The following QKI variants were observed in gnomAD, a reference collection of about 807,000 sequenced individuals.
The protein encoded by QKI is KH domain-containing RNA-binding protein QKI.
In QKI, 10 loss-of-function variants were observed where a neutral mutation model predicts 39.0. That is an observed-to-expected ratio of 0.26 (90% CI 0.16 to 0.43). The LOEUF (loss-of-function observed/expected upper bound fraction) is 0.43, where lower values mean the gene tolerates loss of function less well. QKI is among the 20% of genes least tolerant of loss of function. The probability of loss-of-function intolerance (pLI) is 1.00; values close to 1 mark genes in which losing one functional copy is unlikely to be tolerated. For missense variants in QKI, 218 were observed against 428.0 expected (o/e 0.51, Z 4.33); for synonymous variants, 204 against 155.4 (o/e 1.31, Z -2.33).
intron 6 of QKI, chr6:163,564,774 C>CT: frequency 6.2e-7 from 1 of 1,612,012 alleles, no homozygotes; most frequent in South Asian, 1.1e-5. Context: ...GTGGAACAAA[C>CT]TGTTTCTGTG....
At chr6:163,418,444 T>A (rs1203817563) in intron 1 of QKI, among the ~76,000 whole-genome samples, 1 of 152,162 alleles carries the variant, frequency 6.6e-6, no homozygotes, top group Non-Finnish European at 1.5e-5. Flanking sequence ...GTATCTTGAC[T>A]GTGGACAGTC....
rs1330547590 is a variant in QKI, at chr6:163,534,966, T to C, written c.403-16T>C. ...AAAGAGAATAATTTTAATCATGTAC[T>C]CTGTAAATTTTTTAGGAGGAGCAAA... On this transcript the variant is annotated splice_polypyrimidine_tract_variant and intron_variant, in intron 3 of 7. Transcript: ENST00000361752. 1 of 1,582,004 alleles carries C rather than the reference T, an allele frequency of 6.3e-7. No homozygotes were observed. The highest frequency in any genetic ancestry group is 8.6e-7 in the Non-Finnish European group (1 of 1,163,664).
chr6:163,572,443 A>G lies in QKI; in HGVS notation c.*1733A>G, dbSNP rs1206636185. ...TAGTGTATCCTTTTACTGTTTCAAT[A>G]ACCTCTGCCTCCCCCACCCCTTAAC... On this transcript the variant is annotated 3_prime_UTR_variant, in exon 8 of 8. Transcript: ENST00000361752. 1 of 152,176 alleles carries G rather than the reference A, an allele frequency of 6.6e-6. No individual in the cohort carries two copies. The highest frequency in any genetic ancestry group is 1.5e-5 in the Non-Finnish European group (1 of 68,044). The allele number at this position is 152,176 out of a possible 1,614,324, so 9.4% of individuals were successfully genotyped here.
intron 3 of QKI, among the ~76,000 whole-genome samples, chr6:163,492,576 C>G (rs575089778): frequency 3.9e-5 from 6 of 151,998 alleles, no homozygotes; most frequent in Non-Finnish European, 8.8e-5. Flanking sequence ...TCTGCAAAAA[C>G]TTAAGATTTT....
rs1783829534 is a variant in QKI at position 163,573,820 on chromosome 6, A to G, written c.*3110A>G. On this transcript the variant is annotated 3_prime_UTR_variant, in exon 8 of 8. Coordinates refer to ENST00000361752, the MANE Select transcript of QKI (RefSeq NM_006775.3). ...TACTAACTCTGGACTTTGTCTGTTTATTAACCTTTATATGTTTAATTAAAA... is the reference window on the plus strand; with the variant it reads ...TACTAACTCTGGACTTTGTCTGTTTGTTAACCTTTATATGTTTAATTAAAA... 1 of 152,230 alleles carries G rather than the reference A, an allele frequency of 6.6e-6. No individual in the cohort carries two copies. The highest frequency in any genetic ancestry group is 2.4e-5 in the African/African-American group (1 of 41,464). 9.4% of individuals were successfully genotyped at this position (152,230 alleles called of 1,614,324 possible). A position where few individuals can be genotyped will look rare whatever the true frequency, so the allele number is the denominator to read the frequency against.
At chr6:163,451,990 AC>A (rs1206637999) in intron 1 of QKI, among the ~76,000 whole-genome samples, 4 of 152,186 alleles carry the variant, frequency 2.6e-5, no homozygotes, top group Admixed American at 6.5e-5. Flanking sequence ...TAAAGACAAA[AC>A]TTTTAAAAAC....
intron 3 of QKI, among the ~76,000 whole-genome samples, chr6:163,523,156 T>G (rs1278441835): frequency 6.6e-6 from 1 of 152,240 alleles, no homozygotes; most frequent in Non-Finnish European, 1.5e-5. Context: ...ATTATGGGAC[T>G]CTGGTTCAGT....
chr6:163,569,855 T>C (rs1562556970), intron 7 of QKI: 1 of 987,708 alleles, frequency 1.0e-6, no homozygotes, highest in Non-Finnish European at 1.2e-6. Context: ...AGAAATTTCT[T>C]CTATTTTTTG....
At chr6:163,504,666 A>G (rs1052896413) in intron 3 of QKI, among the ~76,000 whole-genome samples, 1 of 152,162 alleles carries the variant, frequency 6.6e-6, no homozygotes, top group Non-Finnish European at 1.5e-5. Context: ...TGAATGTTAC[A>G]GGAATGCAAC....
At chr6:163,416,315 A>T (rs921401035) in intron 1 of QKI, 1 of 168,712 alleles carries the variant, frequency 5.9e-6, no homozygotes, top group African/African-American at 2.4e-5. Flanking sequence ...TTCTCATAGC[A>T]GTACCTGAAG....
chr6:163,577,065 A>G lies in QKI; in HGVS notation c.*6355A>G, dbSNP rs1288902261. On this transcript the variant is annotated 3_prime_UTR_variant, in exon 8 of 8. Coordinates refer to ENST00000361752, the MANE Select transcript of QKI (RefSeq NM_006775.3). The stretch of plus-strand genomic sequence containing the variant: ...CTTCATGAAAAGGACTAGTGTCATT[A>G]ACCTGTTGAACAGAATTGGTTTATT... 1.3e-5 allele frequency: 2 copies of G among 152,222 alleles called. No homozygotes were observed. Among genetic ancestry groups the G allele is most frequent in the Admixed American group, 1.3e-4 (2 of 15,282 alleles). 9.4% of individuals were successfully genotyped at this position (152,222 alleles called of 1,614,324 possible).
intron 2 of QKI, among the ~76,000 whole-genome samples, chr6:163,472,156 A>T (rs1463206444): frequency 4.0e-5 from 6 of 151,882 alleles, no homozygotes; most frequent in Admixed American, 3.9e-4. Context: ...TACCGATAAC[A>T]TAAACAGTTG....
Position 163,577,890 on chromosome 6 carries a change from T to C in QKI, c.*7180T>C, listed in dbSNP as rs1041429780. ...AGACATTTGGATTTCCTTCCTAACG[T>C]AATTTTTAATGATTACCCCTTTTAT... is the stretch of plus-strand genomic sequence containing the variant. On this transcript the variant is annotated 3_prime_UTR_variant, in exon 8 of 8. Coordinates refer to ENST00000361752, the MANE Select transcript of QKI (RefSeq NM_006775.3). 2.0e-5 allele frequency: 3 copies of C among 152,226 alleles called. No homozygotes were observed. The highest frequency in any genetic ancestry group is 7.2e-5 in the African/African-American group (3 of 41,460). 9.4% of individuals were successfully genotyped at this position (152,226 alleles called of 1,614,324 possible). A position where few individuals can be genotyped will look rare whatever the true frequency, so the allele number is the denominator to read the frequency against.
intron 4 of QKI, among the ~76,000 whole-genome samples, chr6:163,539,894 T>A (rs571547162): frequency 3.3e-5 from 5 of 152,276 alleles, no homozygotes; most frequent in South Asian, 2.1e-4. Flanking sequence ...GGCTTTTTTT[T>A]AAAAGCCCTT....
chr6:163,436,962 G>A (rs1789346678), intron 1 of QKI, among the ~76,000 whole-genome samples: 1 of 152,156 alleles, frequency 6.6e-6, no homozygotes, highest in Admixed American at 6.5e-5. Flanking sequence ...TAATGTTGGA[G>A]ATACATTTGA....
chr6:163,478,129 A>G (rs994489089), intron 2 of QKI, among the ~76,000 whole-genome samples: 2 of 152,048 alleles, frequency 1.3e-5, no homozygotes, highest in Non-Finnish European at 2.9e-5. Context: ...GAGGGATGGT[A>G]ATTTTTTATT....
Position 163,571,717 on chromosome 6 carries a change from T to TAC in QKI, c.*1008_*1009insCA, listed in dbSNP as rs982972639. The TAC allele has an allele frequency of 2.3e-5, 1 of 42,702 alleles. No individual in the cohort carries two copies. Among genetic ancestry groups the TAC allele is most frequent in the Non-Finnish European group, 3.7e-5 (1 of 27,060 alleles). 2.6% of individuals were successfully genotyped at this position (42,702 alleles called of 1,614,324 possible). A position where few individuals can be genotyped will look rare whatever the true frequency, so the allele number is the denominator to read the frequency against. ...TGTAGCATTTTATACTTTCAAGTGT[T>TAC]ATAAAAAAAAAGAAAAAGAACAAAG... On this transcript the variant is annotated 3_prime_UTR_variant, in exon 8 of 8. Coordinates refer to ENST00000361752, the MANE Select transcript of QKI (RefSeq NM_006775.3).
intron 3 of QKI, among the ~76,000 whole-genome samples, chr6:163,492,311 T>C (rs1583087271): frequency 6.6e-6 from 1 of 152,170 alleles, no homozygotes; most frequent in African/African-American, 2.4e-5. Flanking sequence ...ACTATTAAAT[T>C]ATTTTGTTGT....
At chr6:163,421,653 C>T (rs1788000401) in intron 1 of QKI, among the ~76,000 whole-genome samples, 1 of 133,552 alleles carries the variant, frequency 7.5e-6, no homozygotes, top group Non-Finnish European at 1.6e-5. Context: ...TTTTTAAACA[C>T]AGGTGTGTCT....
Sources: gnomAD v4.1 joint callset for allele counts (sites outside exome capture counted in the v4.1 genomes callset) on GRCh38, gnomAD v4.1.1 for gene constraint, MANE v1.5 for transcripts, NCBI Gene and HGNC (gene_info 2026-07-23, HGNC 2026-07-21) for gene names.